Variants in PPEF1 observed in about 807,000 individuals in gnomAD.
The protein encoded by PPEF1 is protein phosphatase with EF-hand domain 1, also known as serine/threonine-protein phosphatase with EF-hands 1.
Under a neutral mutation model 53.3 loss-of-function variants are expected in PPEF1, and 12 were observed. The observed-to-expected ratio is 0.23, with a 90% CI of 0.14 to 0.36. The LOEUF (loss-of-function observed/expected upper bound fraction) is 0.36. Among genes scored for constraint, PPEF1 ranks in the 10% least tolerant of loss-of-function variants. The pLI is 1.00. For missense variants in PPEF1, 334 were observed against 490.4 expected (o/e 0.68, Z 3.01); for synonymous variants, 165 against 176.7 (o/e 0.93, Z 0.52).
chrX:18,766,868 G>A (rs2045784771), intron 6 of PPEF1, among the ~76,000 whole-genome samples: 1 of 103,631 alleles, frequency 9.6e-6, no homozygotes, highest in African/African-American at 3.5e-5. Context: ...AACCAACATG[G>A]TGGAACCCCA....
chrX:18,820,363 CA>C (rs984524197), intron 13 of PPEF1, among the ~76,000 whole-genome samples: 3 of 103,857 alleles, frequency 2.9e-5, no homozygotes, highest in South Asian at 4.2e-4. Flanking sequence ...ACTAAAAGAA[CA>C]AACAGATAAA....
At chrX:18,807,118 C>T (rs1257325454) in intron 12 of PPEF1, among the ~76,000 whole-genome samples, 1 of 110,987 alleles carries the variant, frequency 9.0e-6, no homozygotes, top group African/African-American at 3.3e-5. Flanking sequence ...CAACCTCTGC[C>T]TCCCAGGTTC....
At chrX:18,710,918 T>C (rs1302723606) in intron 1 of PPEF1, among the ~76,000 whole-genome samples, 1 of 110,965 alleles carries the variant, frequency 9.0e-6, no homozygotes, top group Non-Finnish European at 1.9e-5. Context: ...AGCAAAGATA[T>C]GGAATCACCG....
exon 4 of PPEF1, chrX:18,691,086 G>A (rs1940374368): frequency 9.0e-6 from 1 of 111,632 alleles, no homozygotes; most frequent in Admixed American, 9.5e-5. Context: ...ATCAAACCTC[G>A]AGGGAAAGGT....
At chrX:18,693,584 G>A (rs1009374691) in intron 4 of PPEF1, among the ~76,000 whole-genome samples, 5 of 111,088 alleles carry the variant, frequency 4.5e-5, no homozygotes, top group Admixed American at 9.6e-5. Context: ...TTATTTTTTC[G>A]AGACGGAGTT....
intron 7 of PPEF1, among the ~76,000 whole-genome samples, chrX:18,779,884 G>T (rs2046049716): frequency 9.0e-6 from 1 of 111,537 alleles, no homozygotes; most frequent in Admixed American, 9.6e-5. Context: ...CTGGGCTTTT[G>T]GGTGCCTTGA....
At chrX:18,730,381 G>T in intron 2 of PPEF1, 73 bp downstream of exon 2, 1 of 1,123,611 alleles carries the variant, frequency 8.9e-7, no homozygotes, top group Non-Finnish European at 1.2e-6. Context: ...AAGAATGAAA[G>T]TTTGGGTCCA....
chrX:18,733,863 A>C (rs949680802), intron 3 of PPEF1, 55 bp downstream of exon 3: 6 of 976,428 alleles, frequency 6.1e-6, no homozygotes, highest in African/African-American at 2.0e-5. Context: ...AATTGTCTTC[A>C]TCAAGAGCGG....
Position 18,827,501 on chromosome X carries a change from CT to C in PPEF1, c.*16del. The C allele has an allele frequency of 1.7e-6, 2 of 1,181,876 alleles. No homozygotes were observed. The highest frequency in any genetic ancestry group is 2.3e-6 in the Non-Finnish European group (2 of 870,213). ...AACCTTGGCTAAACACAAATGAGAGCTTCCCTCAGGCTCCCTGAAACAGCTA... is the reference window on the plus strand; with the variant it reads ...AACCTTGGCTAAACACAAATGAGAGCTCCCTCAGGCTCCCTGAAACAGCTA... On this transcript the variant is annotated 3_prime_UTR_variant, in exon 16 of 16. Coordinates refer to ENST00000470157, the MANE Select transcript of PPEF1 (RefSeq NM_001377996.1).
intron 9 of PPEF1, among the ~76,000 whole-genome samples, chrX:18,787,786 G>A (rs1025495987): frequency 2.8e-5 from 3 of 108,817 alleles, no homozygotes; most frequent in Non-Finnish European, 5.7e-5. Flanking sequence ...GAAAGAAAAA[G>A]GGAAAAAGAA....
At chrX:18,703,169 G>A (rs1024125580), upstream of PPEF1, among the ~76,000 whole-genome samples, 61 of 111,214 alleles carry the variant, frequency 5.5e-4, no homozygotes, top group African/African-American at 1.9e-3. Context: ...AAGTCTAGGT[G>A]GGGCAGTACA....
chrX:18,688,641 TCTTTAGC>T (rs1449498535), intron 3 of PPEF1: 2 of 112,789 alleles, frequency 1.8e-5, no homozygotes, highest in Non-Finnish European at 3.7e-5. Context: ...GTCTTTGAAA[TCTTTAGC>T]TTTTGGCATT....
chrX:18,757,322 T>C (rs753964404), intron 4 of PPEF1, among the ~76,000 whole-genome samples: 5 of 110,996 alleles, frequency 4.5e-5, no homozygotes, highest in Non-Finnish European at 9.4e-5. Context: ...TTTCTTTTTC[T>C]CTTTTATTAT....
intron 4 of PPEF1, among the ~76,000 whole-genome samples, chrX:18,694,201 C>T (rs764951231): frequency 5.4e-5 from 6 of 111,754 alleles, no homozygotes; most frequent in Admixed American, 9.5e-5. Flanking sequence ...GGGACACTCA[C>T]GGAAGGACAT....
chrX:18,678,540 T>C (rs1023685594), upstream of PPEF1, among the ~76,000 whole-genome samples: 2 of 112,162 alleles, frequency 1.8e-5, no homozygotes, highest in Admixed American at 1.9e-4. Context: ...AGTTCTTAGA[T>C]TGGTCTGGTG....
At chrX:18,778,839 T>C (rs894736634) in intron 6 of PPEF1, among the ~76,000 whole-genome samples, 171 bp from the exon 7 acceptor site, 6 of 111,248 alleles carry the variant, frequency 5.4e-5, no homozygotes, top group African/African-American at 2.0e-4. Context: ...TTGCAGGAGA[T>C]GCCTGCCGTG....
intron 6 of PPEF1, among the ~76,000 whole-genome samples, chrX:18,776,908 G>A (rs758722033): frequency 6.3e-5 from 7 of 111,212 alleles, no homozygotes; most frequent in South Asian, 3.8e-4. Flanking sequence ...CAACAAGAGC[G>A]AAACTCCATC....
upstream of PPEF1, among the ~76,000 whole-genome samples, chrX:18,705,491 G>A (rs2044176225): frequency 8.9e-6 from 1 of 111,784 alleles, no homozygotes; most frequent in South Asian, 3.7e-4. Context: ...AGGTGGGCAC[G>A]TTGCTTGAGG....
intron 3 of PPEF1, among the ~76,000 whole-genome samples, chrX:18,736,461 GT>G (rs1381313804): frequency 1.8e-5 from 2 of 112,017 alleles, no homozygotes; most frequent in African/African-American, 6.5e-5. Flanking sequence ...AACCAGCCTT[GT>G]ATCCCAGGGA....
Sources: gnomAD v4.1 joint callset for allele counts (sites outside exome capture counted in the v4.1 genomes callset) on GRCh38, gnomAD v4.1.1 for gene constraint, MANE v1.5 for transcripts, NCBI Gene and HGNC (gene_info 2026-07-23, HGNC 2026-07-21) for gene names.